The following AP2M1 variants were observed in gnomAD, a reference collection of about 807,000 sequenced individuals.
AP2M1 encodes AP-2 complex subunit mu.
A neutral mutation model predicts 54.5 loss-of-function variants in AP2M1; 5 were observed. That is an observed-to-expected ratio of 0.09 (90% CI 0.05 to 0.19). AP2M1 has a LOEUF of 0.19. AP2M1 is among the 10% of genes least tolerant of loss of function. AP2M1 has a pLI of 1.00. For missense variants in AP2M1, 178 were observed against 580.2 expected (o/e 0.31, Z 7.12); for synonymous variants, 186 against 208.2 (o/e 0.89, Z 0.92).
chr3:184,176,836 G>C lies in AP2M1; in HGVS notation c.-43-115G>C, dbSNP rs541767937. ...AGGGGCATGTCTGGGAGGGCTGCAG[G>C]GTCACTTACTAAAGGGTTGAGTCAG... On this transcript the variant is annotated intron_variant, in intron 1 of 11. Transcript: ENST00000292807. The C allele has an allele frequency of 3.2e-4, 205 of 635,234 alleles. 1 individual carries two copies. The African/African-American group carries it at 3.6e-3, about 11-fold the overall frequency. The allele number at this position is 635,234 out of a possible 1,614,324, so 39.3% of individuals were successfully genotyped here.
rs1361422470 is a variant in AP2M1, at chr3:184,177,417, G to A, written c.74+350G>A. 26 of 844,372 alleles carry A rather than the reference G, an allele frequency of 3.1e-5. No homozygotes were observed. In the East Asian group the frequency reaches 7.0e-4, roughly 23 times the overall value. The allele number at this position is 844,372 out of a possible 1,614,324, so 52.3% of individuals were successfully genotyped here. On this transcript the variant is annotated intron_variant, in intron 2 of 11. Transcript: ENST00000292807. ...ATGTCTCCAGTGGGTGGGGTTAGTGGCCACGCTGGAGGCACTAATCCATCT... is the reference window on the plus strand; with the variant it reads ...ATGTCTCCAGTGGGTGGGGTTAGTGACCACGCTGGAGGCACTAATCCATCT...
In AP2M1 at chr3:184,182,746, T is replaced by C. The variant is rs753606656; in HGVS notation, c.1062-11T>C. 1.9e-6 allele frequency: 3 copies of C among 1,612,062 alleles called. No individual in the cohort carries two copies. Among genetic ancestry groups the C allele is most frequent in the Non-Finnish European group, 2.5e-6 (3 of 1,178,336 alleles). On this transcript the variant is annotated splice_polypyrimidine_tract_variant and intron_variant, in intron 10 of 11. Transcript: ENST00000292807. This position sits in a 1 kb window ranked among gnomAD's most constrained non-coding sequence, Gnocchi z 5.5. The stretch of plus-strand genomic sequence containing the variant: ...GCCCCAATGGGCTGCCCATTGTCCC[T>C]GTGTTCCCAGGATCAAGCGCATGGC...
At position 184,181,845 on chromosome 3, in the gene AP2M1, T is replaced by G; in HGVS notation, c.827+30T>G. On this transcript the variant is annotated intron_variant, in intron 8 of 11. Coordinates refer to ENST00000292807, the MANE Select transcript of AP2M1 (RefSeq NM_004068.4). The surrounding 1 kb of genome is among the most constrained non-coding windows in gnomAD (Gnocchi z 5.7). Reference sequence around the variant, plus strand: ...CATTGGGGTGTGAGGAGGCAGCTAGTGCTGCTGGCAGACTGGGGAGAGGAA... The same window carrying G: ...CATTGGGGTGTGAGGAGGCAGCTAGGGCTGCTGGCAGACTGGGGAGAGGAA... 1 of 1,614,164 alleles carries G rather than the reference T, an allele frequency of 6.2e-7. No individual in the cohort carries two copies. Among genetic ancestry groups the G allele is most frequent in the South Asian group, 1.1e-5 (1 of 91,058 alleles).
chr3:184,183,315 C>T lies in AP2M1; in HGVS notation c.1174-167C>T. ...TTCAAGGTGTCACAGGTAGGGCTTT[C>T]TTCTTTAGTCACCTCTTAGAAGGTC... On this transcript the variant is annotated intron_variant, in intron 11 of 11. Coordinates refer to ENST00000292807, the MANE Select transcript of AP2M1 (RefSeq NM_004068.4). The surrounding 1 kb of genome is among the most constrained non-coding windows in gnomAD (Gnocchi z 5.7). 3.1e-6 allele frequency: 3 copies of T among 977,952 alleles called. No homozygotes were observed. The highest frequency in any genetic ancestry group is 3.3e-5 in the African/African-American group (2 of 61,480). The allele number at this position is 977,952 out of a possible 1,614,324, so 60.6% of individuals were successfully genotyped here. A position where few individuals can be genotyped will look rare whatever the true frequency, so the allele number is the denominator to read the frequency against.
chr3:184,180,295 CCCTT>C lies in AP2M1; in HGVS notation c.423+46_423+49del. On this transcript the variant is annotated intron_variant, in intron 4 of 11. Transcript: ENST00000292807. This position sits in a 1 kb window ranked among gnomAD's most constrained non-coding sequence, Gnocchi z 4.9. ...CTATAGTCAGGGTGGAGTCCAATCT[CCCTT>C]CATCTCAGCTGGCCCCTGAGCCTTG... 1 of 1,599,780 alleles carries C rather than the reference CCCTT, an allele frequency of 6.3e-7. No homozygotes were observed. Among genetic ancestry groups the C allele is most frequent in the Non-Finnish European group, 8.6e-7 (1 of 1,168,744 alleles).
chr3:184,176,833 C>T, intron 1 of AP2M1, 118 bp from the exon 2 acceptor site: 3 of 618,864 alleles, frequency 4.8e-6, no homozygotes, highest in Non-Finnish European at 2.7e-6. Context: ...GGGAGGGCTG[C>T]AGGGTCACTT....
In AP2M1 at chr3:184,182,323, T is replaced by C; in HGVS notation, c.1061+75T>C. ...CCCTCTTGTTTTCAGCTTTGATCCTTCTGAATGAGGGGCAGGGGAGTGTGC... is the reference window on the plus strand; with the variant it reads ...CCCTCTTGTTTTCAGCTTTGATCCTCCTGAATGAGGGGCAGGGGAGTGTGC... On this transcript the variant is annotated intron_variant, in intron 10 of 11. Coordinates refer to ENST00000292807, the MANE Select transcript of AP2M1 (RefSeq NM_004068.4). This position sits in a 1 kb window ranked among gnomAD's most constrained non-coding sequence, Gnocchi z 5.5. 6.7e-7 allele frequency: 1 copy of C among 1,490,664 alleles called. No individual in the cohort carries two copies. Among genetic ancestry groups the C allele is most frequent in the South Asian group, 1.3e-5 (1 of 78,978 alleles). 92.3% of individuals were successfully genotyped at this position (1,490,664 alleles called of 1,614,324 possible).
At chr3:184,176,862 GA>G (rs1238702387) in intron 1 of AP2M1, 88 bp from the exon 2 acceptor site, 3 of 899,744 alleles carry the variant, frequency 3.3e-6, no homozygotes, top group Non-Finnish European at 4.9e-6. Context: ...GTTGAGTCAG[GA>G]AAGAAGCTCC....
Position 184,183,655 on chromosome 3 carries a change from C to A in AP2M1, c.*39C>A. On this transcript the variant is annotated 3_prime_UTR_variant, in exon 12 of 12. Coordinates refer to ENST00000292807, the MANE Select transcript of AP2M1 (RefSeq NM_004068.4). This position sits in a 1 kb window ranked among gnomAD's most constrained non-coding sequence, Gnocchi z 5.7. ...GCTAGCCCACCTCCCCAGCCACCCT[C>A]CTCCACAGGTCCAGGTGCCGCTCCC... is the stretch of plus-strand genomic sequence containing the variant. The A allele has an allele frequency of 6.2e-7, 1 of 1,607,632 alleles. No individual in the cohort carries two copies. The highest frequency in any genetic ancestry group is 8.5e-7 in the Non-Finnish European group (1 of 1,177,512).
intron 2 of AP2M1, chr3:184,177,593 C>G: frequency 3.9e-6 from 6 of 1,536,084 alleles, no homozygotes; most frequent in Non-Finnish European, 5.2e-6. Context: ...GGCCCATTCC[C>G]TGGGGAGTGG....
intron 3 of AP2M1, chr3:184,179,425 C>A: frequency 2.7e-6 from 1 of 371,904 alleles, no homozygotes; most frequent in South Asian, 2.9e-5. Flanking sequence ...GTGGCTTGGA[C>A]CTTAGTTCAC....
At chr3:184,175,375 CT>C in intron 1 of AP2M1, among the ~76,000 whole-genome samples, 1 of 152,160 alleles carries the variant, frequency 6.6e-6, no homozygotes. Context: ...ACCCCCTCCT[CT>C]TAGTTCAGTG....
rs372314797 is a variant in AP2M1, at chr3:184,181,262, C to G, written c.707+36C>G. On this transcript the variant is annotated intron_variant, in intron 7 of 11. Coordinates refer to ENST00000292807, the MANE Select transcript of AP2M1 (RefSeq NM_004068.4). This position sits in a 1 kb window ranked among gnomAD's most constrained non-coding sequence, Gnocchi z 5.7. ...CAGGAGAGCTGGTGGGAGAGGGTGT[C>G]CCTTGGAGGGCTCAGTGGGGTCTAG... 1.2e-5 allele frequency: 19 copies of G among 1,611,984 alleles called. No homozygotes were observed. The highest frequency in any genetic ancestry group is 1.5e-5 in the Non-Finnish European group (18 of 1,179,062).
rs1429727046 is a variant in AP2M1 at position 184,178,640 on chromosome 3, C to T, written c.75-217C>T. On this transcript the variant is annotated intron_variant, in intron 2 of 11. Transcript: ENST00000292807. The surrounding 1 kb of genome is among the most constrained non-coding windows in gnomAD (Gnocchi z 4.9). ...TAGTTGACTTCCCTATTTCTTGTGGCCTTTAGACACTAGCCCAGCTCAGGC... is the reference window on the plus strand; with the variant it reads ...TAGTTGACTTCCCTATTTCTTGTGGTCTTTAGACACTAGCCCAGCTCAGGC... Among the ~76,000 whole-genome samples, 11 of 152,230 alleles carry T rather than the reference C, an allele frequency of 7.2e-5. No homozygotes were observed. The highest frequency in any genetic ancestry group is 7.2e-4 in the Admixed American group (11 of 15,288).
Position 184,181,277 on chromosome 3 carries a change from G to A in AP2M1, c.707+51G>A. On this transcript the variant is annotated intron_variant, in intron 7 of 11. Coordinates refer to ENST00000292807, the MANE Select transcript of AP2M1 (RefSeq NM_004068.4). The surrounding 1 kb of genome is among the most constrained non-coding windows in gnomAD (Gnocchi z 5.7). ...GAGAGGGTGTCCCTTGGAGGGCTCA[G>A]TGGGGTCTAGTGAACCACAAGTTTC... 1 of 1,606,766 alleles carries A rather than the reference G, an allele frequency of 6.2e-7. No homozygotes were observed. Among genetic ancestry groups the A allele is most frequent in the Non-Finnish European group, 8.5e-7 (1 of 1,175,676 alleles).
At chr3:184,177,321 C>T (rs1472857045) in intron 2 of AP2M1, among the ~76,000 whole-genome samples, 1 of 152,246 alleles carries the variant, frequency 6.6e-6, no homozygotes, top group East Asian at 1.9e-4. Context: ...TCCCTTCCTG[C>T]ATCCTGTTTC....
At chr3:184,179,478 C>G (rs1335835166) in intron 3 of AP2M1, 2 of 286,542 alleles carry the variant, frequency 7.0e-6, no homozygotes, top group Non-Finnish European at 1.3e-5. Flanking sequence ...TGCTTCAGAG[C>G]CTGGGGGAGA....
At position 184,178,168 on chromosome 3, in the gene AP2M1, C is replaced by CTCT; in HGVS notation, c.75-684_75-682dup. The CTCT allele has an allele frequency of 6.5e-7, 1 of 1,530,000 alleles. No individual in the cohort carries two copies. Among genetic ancestry groups the CTCT allele is most frequent in the African/African-American group, 1.4e-5 (1 of 73,004 alleles). 94.8% of individuals were successfully genotyped at this position (1,530,000 alleles called of 1,614,324 possible). ...CCTCTCTCTCGTTGCTATCACTCTC[C>CTCT]TCTTCTTGCTGGCGTCATTTCTCTC... On this transcript the variant is annotated intron_variant, in intron 2 of 11. Transcript: ENST00000292807. This position sits in a 1 kb window ranked among gnomAD's most constrained non-coding sequence, Gnocchi z 4.9.
chr3:184,180,958 G>A lies in AP2M1; in HGVS notation c.539G>A (p.Ser180Asn). ...GAGCTCTTCCTGGATGTGCTGGAGA[G>A]TGTGAACCTGCTCATGTCCCCACAA... is the stretch of plus-strand genomic sequence containing the variant. ...RNELFLDVLE[S>N]VNLLMSPQGQ... Residue 180 changes from serine (S) to asparagine (N), a missense_variant, in exon 6 of 12, where the codon AGT (serine) becomes AAT (asparagine). By Grantham distance (46) the Ser-to-Asn change is conservative (BLOSUM62 1). This residue lies in a region of AP2M1 where 115 missense variants were observed against 331.2 expected (regional missense o/e 0.35). Coordinates refer to ENST00000292807, the MANE Select transcript of AP2M1 (RefSeq NM_004068.4). This position sits in a 1 kb window ranked among gnomAD's most constrained non-coding sequence, Gnocchi z 4.9. 1 of 1,614,204 alleles carries A rather than the reference G, an allele frequency of 6.2e-7. No individual in the cohort carries two copies. Among genetic ancestry groups the A allele is most frequent in the Non-Finnish European group, 8.5e-7 (1 of 1,180,038 alleles).
Sources: gnomAD v4.1 joint callset for allele counts (sites outside exome capture counted in the v4.1 genomes callset) on GRCh38, gnomAD v4.1.1 for gene constraint, gnomAD v4.1.1 regional missense constraint, Gnocchi (gnomAD v3.1) non-coding constraint, MANE v1.5 for transcripts, NCBI Gene and HGNC (gene_info 2026-07-23, HGNC 2026-07-21) for gene names.